Variants in STK32B observed in about 807,000 individuals in gnomAD.
The protein encoded by STK32B is serine/threonine-protein kinase 32B.
Under a neutral mutation model 52.6 loss-of-function variants are expected in STK32B, and 43 were observed. The ratio of observed to expected loss-of-function variants is 0.82; its 90% CI spans 0.64 to 1.05. The LOEUF is 1.05. STK32B is among the 50% of genes least tolerant of loss of function. The pLI is 0.00. For missense variants in STK32B, 621 were observed against 534.6 expected (o/e 1.16, Z -1.59); for synonymous variants, 238 against 204.3 (o/e 1.17, Z -1.41).
rs61698429 is a variant in STK32B at position 5,496,548 on chromosome 4, C to CCTGCTTCTGCTCACGCACGGTGCG, written c.1107-2393_1107-2392insTTCTGCTCACGCACGGTGCGCTGC. ...CTTCCCGAGTGAGGCAATGCCTTGC[C>CCTGCTTCTGCTCACGCACGGTGCG]CTGCACCCACTGTCCTGTGCCCACT... is the stretch of plus-strand genomic sequence containing the variant. On this transcript the variant is annotated intron_variant, in intron 11 of 11. Coordinates refer to ENST00000282908, the MANE Select transcript of STK32B (RefSeq NM_018401.3). Among the ~76,000 whole-genome samples the CCTGCTTCTGCTCACGCACGGTGCG allele has an allele frequency of 1.4e-3, 195 of 137,902 alleles. 6 individuals carry two copies. The highest frequency in any genetic ancestry group is 7.3e-3 in the Middle Eastern group (2 of 274). The allele number at this position is 137,902 out of a possible 152,430, so 90.5% of individuals were successfully genotyped here. A position where few individuals can be genotyped will look rare whatever the true frequency, so the allele number is the denominator to read the frequency against.
At chr4:5,200,013 G>T (rs113940291) in intron 3 of STK32B, among the ~76,000 whole-genome samples, 1,535 of 152,266 alleles carry the variant, frequency 0.01, 9 homozygotes, top group Non-Finnish European at 0.018. Flanking sequence ...AGGTCATGAG[G>T]TGCTGTAGGA....
At chr4:5,102,494 C>CCTTCCTTCCTTCCT (rs1560152486) in intron 1 of STK32B, among the ~76,000 whole-genome samples, 3 of 70,228 alleles carry the variant, frequency 4.3e-5, no homozygotes, top group African/African-American at 1.6e-4. Flanking sequence ...CCTTCCTTCC[C>CCTTCCTTCCTTCCT]TCCCTCCCTC....
chr4:5,093,162 G>C (rs1008956378), intron 1 of STK32B, among the ~76,000 whole-genome samples: 7 of 152,070 alleles, frequency 4.6e-5, no homozygotes, highest in Admixed American at 2.0e-4. Context: ...TTAAGAAAAA[G>C]ATATTTCATG....
intron 1 of STK32B, among the ~76,000 whole-genome samples, chr4:5,108,034 C>T (rs1374195296): frequency 6.6e-6 from 1 of 152,064 alleles, no homozygotes; most frequent in African/African-American, 2.4e-5. Flanking sequence ...ACAAGAAGTC[C>T]CTCTCATACT....
At position 5,264,366 on chromosome 4, in the gene STK32B, T is replaced by G. The variant is rs535513166; in HGVS notation, c.261-66854T>G. On this transcript the variant is annotated intron_variant, in intron 3 of 11. Coordinates refer to ENST00000282908, the MANE Select transcript of STK32B (RefSeq NM_018401.3). The stretch of plus-strand genomic sequence containing the variant: ...GTGCTTTGGTATTTCTTTGTGGTTT[T>G]AATTTCCTTTTCTCCAGTGACTACT... Among the ~76,000 whole-genome samples, 4 of 152,304 alleles carry G rather than the reference T, an allele frequency of 2.6e-5. No individual in the cohort carries two copies. The East Asian group carries it at 7.7e-4, about 29-fold the overall frequency.
chr4:5,361,040 G>A (rs1323929323), intron 4 of STK32B, among the ~76,000 whole-genome samples: 1 of 152,070 alleles, frequency 6.6e-6, no homozygotes, highest in Non-Finnish European at 1.5e-5. Flanking sequence ...TTTGACTATG[G>A]GTACTAGGTA....
At position 5,104,621 on chromosome 4, in the gene STK32B, C is replaced by T. The variant is rs1169317503; in HGVS notation, c.53-35284C>T. On this transcript the variant is annotated intron_variant, in intron 1 of 11. Coordinates refer to ENST00000282908, the MANE Select transcript of STK32B (RefSeq NM_018401.3). ...CAGAAAGTGAACATATACATGTAAT[C>T]AGCAGCCAATCAAAGTACAGAACAT... Among the ~76,000 whole-genome samples the T allele has an allele frequency of 3.3e-5, 5 of 152,266 alleles. No homozygotes were observed. The South Asian group carries it at 8.3e-4, about 25-fold the overall frequency.
chr4:5,135,394 C>A (rs1246890684), intron 1 of STK32B, among the ~76,000 whole-genome samples: 5 of 152,056 alleles, frequency 3.3e-5, no homozygotes, highest in African/African-American at 1.2e-4. Flanking sequence ...TGTTGTTGTC[C>A]CAAATAACTC....
intron 4 of STK32B, among the ~76,000 whole-genome samples, chr4:5,343,237 A>G (rs927540000): frequency 7.9e-5 from 12 of 151,936 alleles, no homozygotes; most frequent in South Asian, 4.2e-4. Context: ...GCTGAGAATG[A>G]TGGTTTCCAG....
chr4:5,221,764 G>A (rs570365231), intron 3 of STK32B, among the ~76,000 whole-genome samples: 1 of 150,134 alleles, frequency 6.7e-6, no homozygotes, highest in African/African-American at 2.5e-5. Context: ...ACTGAGGCAG[G>A]AGAATCACTT....
chr4:5,499,118 C>A lies in STK32B; in HGVS notation c.*35C>A, dbSNP rs372607888. ...TGTTGCTGCTCAACAGGACTGCACT[C>A]GTCTCTGCCCTGCCCACCCAGAGCC... On this transcript the variant is annotated 3_prime_UTR_variant, in exon 12 of 12. Transcript: ENST00000282908. 10 of 1,567,852 alleles carry A rather than the reference C, an allele frequency of 6.4e-6. No homozygotes were observed. The highest frequency in any genetic ancestry group is 5.3e-5 in the Admixed American group (3 of 56,884).
intron 3 of STK32B, among the ~76,000 whole-genome samples, chr4:5,173,767 G>A (rs1367449031): frequency 1.3e-5 from 2 of 152,146 alleles, no homozygotes; most frequent in Admixed American, 6.6e-5. Flanking sequence ...GTGCTGAAAA[G>A]AATGTATATT....
intron 4 of STK32B, among the ~76,000 whole-genome samples, chr4:5,337,366 G>T (rs1420069451): frequency 2.6e-5 from 4 of 152,088 alleles, no homozygotes; most frequent in Admixed American, 6.6e-5. Context: ...ATTTTCCCCA[G>T]TTCCAGGTCT....
At chr4:5,116,855 T>G (rs1259367318) in intron 1 of STK32B, among the ~76,000 whole-genome samples, 1 of 152,216 alleles carries the variant, frequency 6.6e-6, no homozygotes, top group Non-Finnish European at 1.5e-5. Context: ...TACAAATGTT[T>G]CACTTCTTTT....
chr4:5,212,949 G>C (rs929713671), intron 3 of STK32B, among the ~76,000 whole-genome samples: 1 of 152,082 alleles, frequency 6.6e-6, no homozygotes, highest in African/African-American at 2.4e-5. Flanking sequence ...GCGCTTTCTG[G>C]TTCTGTCTCT....
chr4:5,484,189 G>A (rs183316685), intron 11 of STK32B, among the ~76,000 whole-genome samples: 3 of 152,290 alleles, frequency 2.0e-5, no homozygotes, highest in East Asian at 3.9e-4. Flanking sequence ...ACAGTGGGGT[G>A]TTAAAGTCTC....
intron 3 of STK32B, among the ~76,000 whole-genome samples, chr4:5,325,593 T>C (rs571958602): frequency 2.6e-5 from 4 of 152,302 alleles, no homozygotes; most frequent in Admixed American, 2.0e-4. Flanking sequence ...TGGAACAAAG[T>C]AGGAAATTAA....
At chr4:5,168,235 A>G (rs1326108851) in intron 2 of STK32B, 64 bp from the exon 3 acceptor site, 4 of 1,562,138 alleles carry the variant, frequency 2.6e-6, no homozygotes, top group Admixed American at 1.8e-5. Context: ...GCGGGGTGAC[A>G]TTTCTCCTTT....
At chr4:5,083,836 A>C (rs965320561) in intron 1 of STK32B, among the ~76,000 whole-genome samples, 13 of 151,774 alleles carry the variant, frequency 8.6e-5, no homozygotes, top group African/African-American at 2.7e-4. Context: ...TCCTGGGTTC[A>C]AGCAATTGTG....
Sources: gnomAD v4.1 joint callset for allele counts (sites outside exome capture counted in the v4.1 genomes callset) on GRCh38, gnomAD v4.1.1 for gene constraint, MANE v1.5 for transcripts, NCBI Gene and HGNC (gene_info 2026-07-23, HGNC 2026-07-21) for gene names.